Variants in LRRC75A observed in about 807,000 individuals in gnomAD.
The protein encoded by LRRC75A is leucine-rich repeat-containing protein 75A.
In LRRC75A, 12 loss-of-function variants were observed where a neutral mutation model predicts 26.0. That is an observed-to-expected ratio of 0.46 (90% CI 0.30 to 0.75). LRRC75A has a LOEUF of 0.75. LRRC75A is among the 30% of genes least tolerant of loss of function. LRRC75A has a pLI of 0.08. For missense variants in LRRC75A, 410 were observed against 486.6 expected, an observed-to-expected ratio of 0.84 and a Z score of 1.48; for synonymous variants, 223 against 219.3, an observed-to-expected ratio of 1.02 and a Z score of -0.15.
chr17:16,475,866 G>T (rs1180274467), intron 1 of LRRC75A, among the ~76,000 whole-genome samples: 1 of 152,074 alleles, frequency 6.6e-6, no homozygotes, highest in Non-Finnish European at 1.5e-5. Flanking sequence ...GGTCAACATG[G>T]TGAAACTCCC....
chr17:16,468,059 T>G (rs1484741415), intron 1 of LRRC75A, among the ~76,000 whole-genome samples: 8 of 152,066 alleles, frequency 5.3e-5, no homozygotes, highest in Admixed American at 4.6e-4. Context: ...TCCCAGAAAA[T>G]AACAAGGGTT....
intron 1 of LRRC75A, among the ~76,000 whole-genome samples, chr17:16,466,009 GC>G (rs1189225689): frequency 6.6e-6 from 1 of 152,218 alleles, no homozygotes; most frequent in Non-Finnish European, 1.5e-5. Flanking sequence ...CCAGATAGAG[GC>G]TGGCCAAAGG....
At chr17:16,449,020 G>A (rs562480060) in intron 2 of LRRC75A, among the ~76,000 whole-genome samples, 2 of 152,372 alleles carry the variant, frequency 1.3e-5, no homozygotes, top group African/African-American at 2.4e-5. Flanking sequence ...TGGACAGGGT[G>A]AGGGCATGAG....
intron 1 of LRRC75A, among the ~76,000 whole-genome samples, chr17:16,473,506 C>A (rs2093812663): frequency 1.3e-5 from 2 of 152,174 alleles, no homozygotes; most frequent in South Asian, 4.1e-4. Context: ...GCCACCCCCA[C>A]AGGCCTGTGA....
At chr17:16,473,119 T>C (rs1039467462) in intron 1 of LRRC75A, among the ~76,000 whole-genome samples, 1 of 151,382 alleles carries the variant, frequency 6.6e-6, no homozygotes, top group Admixed American at 6.6e-5. Context: ...TTCAAGTCGT[T>C]GTAAGTAGTC....
rs139508916 is a variant in LRRC75A at position 16,485,671 on chromosome 17, CGTGTGT to C, written c.246+6068_246+6073del. ...GTGTGTGTGTGTGTGTGTGTGTGTT[CGTGTGT>C]GTGTGTGTGTGTGTGTATGCGTGGG... On this transcript the variant is annotated intron_variant, in intron 1 of 3. Transcript: ENST00000470794. Among the ~76,000 whole-genome samples the C allele has an allele frequency of 3.2e-5, 4 of 124,396 alleles. No individual in the cohort carries two copies. In the South Asian group the frequency reaches 8.3e-4, roughly 26 times the overall value. 81.6% of individuals were successfully genotyped at this position (124,396 alleles called of 152,430 possible). A position where few individuals can be genotyped will look rare whatever the true frequency, so the allele number is the denominator to read the frequency against.
intron 1 of LRRC75A, among the ~76,000 whole-genome samples, chr17:16,482,847 G>A (rs774329196): frequency 3.3e-5 from 5 of 152,248 alleles, no homozygotes; most frequent in African/African-American, 4.8e-5. Context: ...GCCCAGGGAC[G>A]TATGCTGAGT....
At chr17:16,488,209 C>T (rs1157190904) in intron 1 of LRRC75A, among the ~76,000 whole-genome samples, 4 of 152,234 alleles carry the variant, frequency 2.6e-5, no homozygotes, top group African/African-American at 9.6e-5. Flanking sequence ...GGAAGGACAT[C>T]TGGGGAAGGG....
intron 1 of LRRC75A, among the ~76,000 whole-genome samples, chr17:16,489,733 C>A (rs796253946): frequency 3.6e-4 from 55 of 152,356 alleles, no homozygotes; most frequent in African/African-American, 1.3e-3. Context: ...TTCCAGGCCA[C>A]ACAGGGCAGC....
intron 1 of LRRC75A, chr17:16,463,325 T>A (rs573317048): frequency 6.6e-6 from 1 of 152,616 alleles, no homozygotes; most frequent in Admixed American, 6.5e-5. Flanking sequence ...GAGGTACGCC[T>A]GCTCCCTTTC....
intron 3 of LRRC75A, among the ~76,000 whole-genome samples, chr17:16,446,456 A>AC (rs1219950489): frequency 6.6e-6 from 1 of 152,186 alleles, no homozygotes; most frequent in Non-Finnish European, 1.5e-5. Flanking sequence ...GAGTTTGGTG[A>AC]AAGTTCCAGC....
At chr17:16,484,209 G>A (rs1361546780) in intron 1 of LRRC75A, among the ~76,000 whole-genome samples, 8 of 152,026 alleles carry the variant, frequency 5.3e-5, no homozygotes, top group East Asian at 1.9e-4. Context: ...GGTGGTGTGC[G>A]CATATAATCC....
chr17:16,471,764 G>T (rs189970886), intron 1 of LRRC75A, among the ~76,000 whole-genome samples: 5 of 152,340 alleles, frequency 3.3e-5, no homozygotes, highest in Admixed American at 2.0e-4. Context: ...ACAAGGATGA[G>T]GCTTGAAGAC....
At chr17:16,472,377 G>A (rs1011354261) in intron 1 of LRRC75A, among the ~76,000 whole-genome samples, 16 of 152,204 alleles carry the variant, frequency 1.1e-4, no homozygotes, top group South Asian at 6.2e-4. Flanking sequence ...CGTGGATGGC[G>A]GAAGGCGAGC....
At chr17:16,461,799 G>A (rs2093729563) in intron 2 of LRRC75A, among the ~76,000 whole-genome samples, 1 of 152,210 alleles carries the variant, frequency 6.6e-6, no homozygotes, top group African/African-American at 2.4e-5. Context: ...AGGGCTCATG[G>A]CTTGGTGGGT....
At chr17:16,485,631 A>AGTGTGTGTGTGTGTGTGTGTGTGTGT (rs35125617) in intron 1 of LRRC75A, among the ~76,000 whole-genome samples, 14 of 128,390 alleles carry the variant, frequency 1.1e-4, no homozygotes, top group African/African-American at 2.5e-4. Context: ...CAGGACAAGC[A>AGTGTGTGTGTGTGTGTGTGTGTGTGT]GTGTGTGTGT....
intron 2 of LRRC75A, chr17:16,461,261 A>T (rs1478639185): frequency 6.6e-6 from 1 of 152,226 alleles, no homozygotes; most frequent in African/African-American, 2.4e-5. Context: ...CTTGGGAACC[A>T]TCTCACTCCC....
In LRRC75A at chr17:16,443,606, T is replaced by G. The variant is rs779627660; in HGVS notation, c.1017A>C (p.Val339=). The G allele has an allele frequency of 1.8e-5, 27 of 1,529,992 alleles. No homozygotes were observed. Among genetic ancestry groups the G allele is most frequent in the Non-Finnish European group, 2.0e-5 (23 of 1,130,650 alleles). The allele number at this position is 1,529,992 out of a possible 1,614,324, so 94.8% of individuals were successfully genotyped here. A position where few individuals can be genotyped will look rare whatever the true frequency, so the allele number is the denominator to read the frequency against. ...AEDHHEGKET[V]AAAQT ...TTCCATGTCACGTCTGAGCTGCAGC[T>G]ACAGTCTCCTTGCCCTCATGGTGGT... Residue 339 remains valine (V), a synonymous_variant, in exon 4 of 4, where the codon GTA becomes GTC. Transcript: ENST00000470794.
intron 2 of LRRC75A, among the ~76,000 whole-genome samples, chr17:16,456,761 A>G (rs1601128506): frequency 6.6e-6 from 1 of 152,174 alleles, no homozygotes; most frequent in Admixed American, 6.5e-5. Context: ...ACACCTCGAT[A>G]TCTGTAGAAC....
Sources: allele counts gnomAD v4.1 joint callset (sites outside exome capture counted in the v4.1 genomes callset), GRCh38; gene constraint gnomAD v4.1.1; transcripts MANE v1.5; gene names NCBI Gene and HGNC (gene_info 2026-07-23, HGNC 2026-07-21).